Variants in BCL11B observed in about 807,000 individuals in gnomAD.
BCL11B encodes B-cell lymphoma/leukemia 11B.
BCL11B carries 8 observed loss-of-function variants against 49.9 expected under a neutral mutation model. That is an observed-to-expected ratio of 0.16 (90% CI 0.09 to 0.29). The LOEUF (loss-of-function observed/expected upper bound fraction) is 0.29, where lower values mean the gene tolerates loss of function less well. Among genes scored for constraint, BCL11B ranks in the 10% least tolerant of loss-of-function variants. BCL11B has a pLI of 1.00. For synonymous variants in BCL11B, 739 were observed against 637.4 expected, an observed-to-expected ratio of 1.16 and a Z score of -2.40; for missense variants, 1,006 against 1,351.0, an observed-to-expected ratio of 0.74 and a Z score of 4.00.
chr14:99,199,693 C>T lies in BCL11B; in HGVS notation c.641-23498G>A, dbSNP rs1200763054. Among the ~76,000 whole-genome samples, 31 of 62,454 alleles carry T rather than the reference C, an allele frequency of 5.0e-4. 1 individual carries two copies. Among genetic ancestry groups the T allele is most frequent in the East Asian group, 8.4e-4 (3 of 3,564 alleles). The allele number at this position is 62,454 out of a possible 152,430, so 41.0% of individuals were successfully genotyped here. On this transcript the variant is annotated intron_variant, in intron 3 of 3. Transcript: ENST00000357195. The stretch of plus-strand genomic sequence containing the variant: ...GTGTGTGTGTGTGTGTGCGCGCGCG[C>T]GCGCACGTGCACGTGTGTGCGTGTG...
At chr14:99,263,949 TAAAGAA>T (rs1387716930) in intron 1 of BCL11B, among the ~76,000 whole-genome samples, 2 of 152,188 alleles carry the variant, frequency 1.3e-5, no homozygotes, top group African/African-American at 4.8e-5. Context: ...ATAGGCGCTT[TAAAGAA>T]AAAGAAAAGG....
In BCL11B at chr14:99,232,295, C is replaced by T. The variant is rs1352808319; in HGVS notation, c.428-738G>A. Among the ~76,000 whole-genome samples the T allele has an allele frequency of 6.6e-6, 1 of 152,064 alleles. No individual in the cohort carries two copies. Among genetic ancestry groups the T allele is most frequent in the Non-Finnish European group, 1.5e-5 (1 of 68,000 alleles). On this transcript the variant is annotated intron_variant, in intron 2 of 3. Transcript: ENST00000357195. This position sits in a 1 kb window ranked among gnomAD's most constrained non-coding sequence, Gnocchi z 5.1. ...GACAGCAAGGACACAGGGCCAGGGC[C>T]GGCCCCGCCTCTGCCCAGCCCCACA...
chr14:99,174,506 G>A lies in BCL11B; in HGVS notation c.2330C>T (p.Pro777Leu), dbSNP rs1433155140. The change falls in exon 4 of 4, where the codon CCG (proline) becomes CTG (leucine). Residue 777 changes from proline to leucine, a missense_variant. Around this residue, in one of 6 missense-constraint regions of BCL11B, gnomAD observed 443 missense variants for 499.7 expected, o/e 0.89. Coordinates refer to ENST00000357195, the MANE Select transcript of BCL11B (RefSeq NM_138576.4). ...CCCGGGGCCCGGGCCGCCCAGGTGC[G>A]GGGTGCTGCCTCCGCTGGCCGTGCC... is the stretch of plus-strand genomic sequence containing the variant. ...RSGTASGGST[P>L]HLGGPGPGRP... 3.9e-6 allele frequency: 6 copies of A among 1,543,044 alleles called. No homozygotes were observed. Among genetic ancestry groups the A allele is most frequent in the Middle Eastern group, 1.7e-4 (1 of 5,774 alleles).
intron 3 of BCL11B, among the ~76,000 whole-genome samples, chr14:99,201,934 T>A (rs1279972412): frequency 6.6e-6 from 1 of 152,190 alleles, no homozygotes; most frequent in Admixed American, 6.5e-5. Flanking sequence ...AAGGGGGTCC[T>A]TGAGCCCACA....
chr14:99,175,297 G>A lies in BCL11B; in HGVS notation c.1539C>T (p.Ala513=). ...SELAGEGLKA[A]DGDFRHHESD... is the part of the protein sequence containing the mutation. Reference sequence around the variant, plus strand: ...TCTCGTGGTGGCGGAAGTCACCGTCGGCCGCCTTGAGGCCCTCGCCCGCCA... The same window carrying A: ...TCTCGTGGTGGCGGAAGTCACCGTCAGCCGCCTTGAGGCCCTCGCCCGCCA... The change falls in exon 4 of 4, where the codon GCC becomes GCT. Residue 513 remains alanine (A), a synonymous_variant. Coordinates refer to ENST00000357195, the MANE Select transcript of BCL11B (RefSeq NM_138576.4). 2 of 1,540,366 alleles carry A rather than the reference G, an allele frequency of 1.3e-6. No homozygotes were observed. The highest frequency in any genetic ancestry group is 2.4e-5 in the South Asian group (2 of 84,852).
In BCL11B at chr14:99,213,232, C is replaced by A. The variant is rs906380306; in HGVS notation, c.640+18113G>T. Among the ~76,000 whole-genome samples the A allele has an allele frequency of 9.9e-5, 15 of 152,180 alleles. No individual in the cohort carries two copies. The highest frequency in any genetic ancestry group is 1.6e-4 in the Non-Finnish European group (11 of 68,042). On this transcript the variant is annotated intron_variant, in intron 3 of 3. Transcript: ENST00000357195. The surrounding 1 kb of genome is among the most constrained non-coding windows in gnomAD (Gnocchi z 5.1). ...TGAGCCCCTGGAATGAAGAAGGGAG[C>A]CCCGGAGGCTCGGCCGACCTGGGTG...
At chr14:99,221,579 G>A (rs1443414111) in intron 3 of BCL11B, among the ~76,000 whole-genome samples, 1 of 152,278 alleles carries the variant, frequency 6.6e-6, no homozygotes, top group Non-Finnish European at 1.5e-5. Context: ...AGGCCAGGCG[G>A]GAGGGGCAGG....
chr14:99,271,296 CCG>C lies in BCL11B; in HGVS notation c.-80_-79del. On this transcript the variant is annotated 5_prime_UTR_variant, in exon 1 of 4. Transcript: ENST00000357195. ...CCGGGGGAGGGGGTCCGAGCCGCCG[CCG>C]CGCCGCTGCCGCCGCTGCCGCCGCC... 1 of 893,742 alleles carries C rather than the reference CCG, an allele frequency of 1.1e-6. No individual in the cohort carries two copies. Among genetic ancestry groups the C allele is most frequent in the Non-Finnish European group, 1.5e-6 (1 of 683,376 alleles). The allele number at this position is 893,742 out of a possible 1,614,324, so 55.4% of individuals were successfully genotyped here.
At chr14:99,193,478 G>A (rs1887095193) in intron 3 of BCL11B, among the ~76,000 whole-genome samples, 1 of 151,886 alleles carries the variant, frequency 6.6e-6, no homozygotes, top group Non-Finnish European at 1.5e-5. Flanking sequence ...AAAAAAAAAA[G>A]GGGACATTAT....
At position 99,169,889 on chromosome 14, in the gene BCL11B, A is replaced by G. The variant is rs114831219; in HGVS notation, c.*4262T>C. The stretch of plus-strand genomic sequence containing the variant: ...CTCTAATGCCAAGTGGCAGGTTCCA[A>G]TTGGGGGCAACTTTGAACAAAGTTG... On this transcript the variant is annotated 3_prime_UTR_variant, in exon 4 of 4. Transcript: ENST00000357195. The G allele has an allele frequency of 1.3e-5, 3 of 229,356 alleles. No individual in the cohort carries two copies. Among genetic ancestry groups the G allele is most frequent in the South Asian group, 1.8e-4 (1 of 5,472 alleles). The allele number at this position is 229,356 out of a possible 1,614,324, so 14.2% of individuals were successfully genotyped here. A position where few individuals can be genotyped will look rare whatever the true frequency, so the allele number is the denominator to read the frequency against.
intron 3 of BCL11B, among the ~76,000 whole-genome samples, chr14:99,199,032 A>T (rs1323647202): frequency 3.3e-5 from 5 of 152,144 alleles, no homozygotes; most frequent in South Asian, 2.1e-4. Flanking sequence ...ATCATTTTTT[A>T]AAAAAACAAA....
chr14:99,206,079 C>A (rs1466007967), intron 3 of BCL11B, among the ~76,000 whole-genome samples: 1 of 152,186 alleles, frequency 6.6e-6, no homozygotes, highest in Non-Finnish European at 1.5e-5. Flanking sequence ...GGACCAGATT[C>A]TCTCTCCAGG....
chr14:99,239,958 G>C (rs1220027149), intron 2 of BCL11B, among the ~76,000 whole-genome samples: 1 of 152,128 alleles, frequency 6.6e-6, no homozygotes, highest in African/African-American at 2.4e-5. Flanking sequence ...CAGCAAGGAG[G>C]TTATTGGGAT....
At chr14:99,214,488 G>A (rs1417686596) in intron 3 of BCL11B, among the ~76,000 whole-genome samples, 1 of 151,464 alleles carries the variant, frequency 6.6e-6, no homozygotes, top group Non-Finnish European at 1.5e-5. Flanking sequence ...AGCCCAGAAG[G>A]TTGAGGCTGC....
At chr14:99,245,781 G>A (rs2139926406) in intron 2 of BCL11B, among the ~76,000 whole-genome samples, 1 of 152,272 alleles carries the variant, frequency 6.6e-6, no homozygotes, top group Admixed American at 6.5e-5. Context: ...GGCGACTGGT[G>A]GAGGAGGGGC....
chr14:99,269,517 C>T (rs2038545823), intron 1 of BCL11B, among the ~76,000 whole-genome samples: 1 of 121,530 alleles, frequency 8.2e-6, no homozygotes, highest in Non-Finnish European at 1.9e-5. Context: ...ATTTCTATTC[C>T]CCCCCCCCCA....
At chr14:99,253,935 C>T (rs1433405104) in intron 2 of BCL11B, among the ~76,000 whole-genome samples, 1 of 152,234 alleles carries the variant, frequency 6.6e-6, no homozygotes, top group Non-Finnish European at 1.5e-5. Flanking sequence ...CTGCCTCTGA[C>T]CAGCTTCGCC....
Position 99,232,315 on chromosome 14 carries a change from CCCACAGCTCGCTCAGCT to C in BCL11B, c.428-775_428-759del, listed in dbSNP as rs1450203071. 6.6e-6 allele frequency among the ~76,000 whole-genome samples: 1 copy of C among 152,252 alleles called. No homozygotes were observed. Among genetic ancestry groups the C allele is most frequent in the African/African-American group, 2.4e-5 (1 of 41,470 alleles). The stretch of plus-strand genomic sequence containing the variant: ...AGGGCCGGCCCCGCCTCTGCCCAGC[CCCACAGCTCGCTCAGCT>C]CCACAGCAAGGCCTGCATTTGATTT... On this transcript the variant is annotated intron_variant, in intron 2 of 3. Coordinates refer to ENST00000357195, the MANE Select transcript of BCL11B (RefSeq NM_138576.4). This position sits in a 1 kb window ranked among gnomAD's most constrained non-coding sequence, Gnocchi z 5.1.
intron 3 of BCL11B, among the ~76,000 whole-genome samples, chr14:99,182,242 C>T (rs1886726459): frequency 6.6e-6 from 1 of 152,204 alleles, no homozygotes; most frequent in Non-Finnish European, 1.5e-5. Context: ...ACACCAAGGA[C>T]CTCACATGCT....
Sources: gnomAD v4.1 joint callset for allele counts (sites outside exome capture counted in the v4.1 genomes callset) on GRCh38, gnomAD v4.1.1 for gene constraint, gnomAD v4.1.1 regional missense constraint, Gnocchi (gnomAD v3.1) non-coding constraint, MANE v1.5 for transcripts, NCBI Gene and HGNC (gene_info 2026-07-23, HGNC 2026-07-21) for gene names.